NAA60: variants seen among roughly 807,000 people sequenced by gnomAD.
The protein encoded by NAA60 is N-alpha-acetyltransferase 60, NatF catalytic subunit, also known as N-alpha-acetyltransferase 60.
Under a neutral mutation model 26.1 loss-of-function variants are expected in NAA60, and 8 were observed. The observed-to-expected ratio is 0.31, with a 90% CI of 0.18 to 0.55. The LOEUF (loss-of-function observed/expected upper bound fraction) is 0.55. Among genes scored for constraint, NAA60 ranks in the 20% least tolerant of loss-of-function variants. NAA60 has a pLI of 0.93. For missense variants in NAA60, 290 were observed against 311.3 expected, an observed-to-expected ratio of 0.93 and a Z score of 0.51; for synonymous variants, 131 against 122.5, an observed-to-expected ratio of 1.07 and a Z score of -0.46.
At chr16:3,447,481 G>C in intron 1 of NAA60, 2 of 985,410 alleles carry the variant, frequency 2.0e-6, no homozygotes, top group Non-Finnish European at 2.4e-6. Flanking sequence ...TCCATTCCCA[G>C]ATGGTACTGC....
chr16:3,466,128 T>C (rs1166632763), intron 2 of NAA60, among the ~76,000 whole-genome samples: 2 of 152,236 alleles, frequency 1.3e-5, no homozygotes, highest in Non-Finnish European at 2.9e-5. Flanking sequence ...GCTTCTCAGC[T>C]CCGCCTTCAC....
At chr16:3,464,767 C>A (rs1047584830) in intron 2 of NAA60, among the ~76,000 whole-genome samples, 3 of 152,186 alleles carry the variant, frequency 2.0e-5, no homozygotes. Context: ...CCCATTCACT[C>A]AATCTGAGTT....
chr16:3,464,696 A>G (rs1047994487), intron 2 of NAA60, among the ~76,000 whole-genome samples: 12 of 152,226 alleles, frequency 7.9e-5, no homozygotes, highest in Non-Finnish European at 1.6e-4. Flanking sequence ...ATGTGCCCCC[A>G]AACCTGGTAT....
At chr16:3,468,756 T>C (rs544007786) in intron 2 of NAA60, among the ~76,000 whole-genome samples, 2 of 152,298 alleles carry the variant, frequency 1.3e-5, no homozygotes, top group South Asian at 4.1e-4. Flanking sequence ...GCTCGAGCCT[T>C]TGAAGCTCCA....
chr16:3,471,702 G>A (rs537783173), intron 2 of NAA60, among the ~76,000 whole-genome samples: 7 of 152,162 alleles, frequency 4.6e-5, no homozygotes, highest in East Asian at 1.9e-4. Flanking sequence ...TGCCCTCTCC[G>A]GTGAGAGCTG....
chr16:3,451,519 A>G (rs2034782357), intron 2 of NAA60, among the ~76,000 whole-genome samples: 1 of 152,266 alleles, frequency 6.6e-6, no homozygotes, highest in South Asian at 2.1e-4. Context: ...ACTCATTATA[A>G]AAGATGACAT....
At chr16:3,483,618 A>G (rs1596363919) in intron 6 of NAA60, 21 bp downstream of exon 6, 35 of 1,582,662 alleles carry the variant, frequency 2.2e-5, no homozygotes, top group Non-Finnish European at 3.0e-5. Flanking sequence ...CTTCTGGGGG[A>G]GAGGGACTGT....
In NAA60 at chr16:3,443,737, A is replaced by T; in HGVS notation, c.-177A>T. 1 of 1,491,592 alleles carries T rather than the reference A, an allele frequency of 6.7e-7. No homozygotes were observed. Among genetic ancestry groups the T allele is most frequent in the Non-Finnish European group, 8.9e-7 (1 of 1,123,848 alleles). The allele number at this position is 1,491,592 out of a possible 1,614,324, so 92.4% of individuals were successfully genotyped here. A position where few individuals can be genotyped will look rare whatever the true frequency, so the allele number is the denominator to read the frequency against. ...TCCGGGCCTGTTTGCCTGCTGAAGT[A>T]GAGTCTTAGGGTGACCCCAGGGGGA... On this transcript the variant is annotated 5_prime_UTR_variant, in exon 1 of 8. Transcript: ENST00000407558.
intron 2 of NAA60, chr16:3,458,203 G>T (rs1310850928): frequency 3.2e-5 from 31 of 984,078 alleles, no homozygotes; most frequent in Non-Finnish European, 3.6e-5. Flanking sequence ...GGGGGCGGCC[G>T]CCGGGGCTCG....
chr16:3,478,499 C>T (rs571465787), intron 3 of NAA60, among the ~76,000 whole-genome samples: 1 of 152,336 alleles, frequency 6.6e-6, no homozygotes, highest in Non-Finnish European at 1.5e-5. Context: ...TAACCCTACA[C>T]ACCCTAGAAA....
At chr16:3,481,439 C>T (rs946463530) in intron 4 of NAA60, among the ~76,000 whole-genome samples, 6 of 152,072 alleles carry the variant, frequency 3.9e-5, no homozygotes, top group African/African-American at 1.4e-4. Flanking sequence ...ATGACTCATT[C>T]CCCTGAACCC....
intron 5 of NAA60, 162 bp downstream of exon 5, chr16:3,482,760 TTCA>T: frequency 1.6e-6 from 1 of 639,504 alleles, no homozygotes; most frequent in Non-Finnish European, 2.8e-6. Flanking sequence ...GGGCCAGACC[TTCA>T]TCATCCCTCC....
chr16:3,482,975 C>A lies in NAA60; in HGVS notation c.337+377C>A, dbSNP rs1016032864. The stretch of plus-strand genomic sequence containing the variant: ...AACACGCACGAGGAAGCAACACTCA[C>A]CGTTTCTCCGATGTCCCACCCCACT... On this transcript the variant is annotated intron_variant, in intron 5 of 7. Coordinates refer to ENST00000407558, the MANE Select transcript of NAA60 (RefSeq NM_001083601.3). 7.3e-5 allele frequency: 34 copies of A among 467,222 alleles called. No individual in the cohort carries two copies. The South Asian group carries it at 7.8e-4, about 11-fold the overall frequency. 28.9% of individuals were successfully genotyped at this position (467,222 alleles called of 1,614,324 possible).
intron 2 of NAA60, among the ~76,000 whole-genome samples, chr16:3,449,320 C>T (rs1300135872): frequency 6.6e-6 from 1 of 152,076 alleles, no homozygotes; most frequent in Non-Finnish European, 1.5e-5. Flanking sequence ...AGATCGAGAC[C>T]ATCCTGGCTA....
In NAA60 at chr16:3,452,513, G is replaced by A. The variant is rs143337264; in HGVS notation, c.-7+3973G>A. Reference sequence around the variant, plus strand: ...CTACTAAAAATACAAAAAATTAACCGGGCATGGTGGCAGGTGCCTGTAGTC... The same window carrying A: ...CTACTAAAAATACAAAAAATTAACCAGGCATGGTGGCAGGTGCCTGTAGTC... On this transcript the variant is annotated intron_variant, in intron 2 of 7. Transcript: ENST00000407558. 6.0e-3 allele frequency among the ~76,000 whole-genome samples: 906 copies of A among 151,752 alleles called. 1 individual carries two copies. The highest frequency in any genetic ancestry group is 9.9e-3 in the Non-Finnish European group (674 of 67,932).
intron 2 of NAA60, among the ~76,000 whole-genome samples, chr16:3,462,095 A>AAAAAAAC (rs2035443981): frequency 6.6e-6 from 1 of 151,750 alleles, no homozygotes; most frequent in Middle Eastern, 3.2e-3. Context: ...TCAAAAAAAA[A>AAAAAAAC]AAAAAAAAAA....
intron 1 of NAA60, 63 bp from the exon 2 acceptor site, chr16:3,448,408 A>G (rs1596280575): frequency 1.5e-6 from 2 of 1,368,942 alleles, no homozygotes; most frequent in Non-Finnish European, 2.0e-6. Flanking sequence ...TCATTAGCCT[A>G]TGAGTTGTAG....
At chr16:3,444,514 C>G (rs752324258) in intron 1 of NAA60, among the ~76,000 whole-genome samples, 5 of 152,286 alleles carry the variant, frequency 3.3e-5, no homozygotes, top group African/African-American at 1.2e-4. Context: ...AACATATTTC[C>G]TTATTCCAGT....
At chr16:3,450,496 C>A (rs985809208) in intron 2 of NAA60, among the ~76,000 whole-genome samples, 1 of 151,838 alleles carries the variant, frequency 6.6e-6, no homozygotes, top group Non-Finnish European at 1.5e-5. Context: ...GTCAGGAGAT[C>A]GAGACCATCC....
Sources: gnomAD v4.1 joint callset for allele counts (sites outside exome capture counted in the v4.1 genomes callset) on GRCh38, gnomAD v4.1.1 for gene constraint, MANE v1.5 for transcripts, NCBI Gene and HGNC (gene_info 2026-07-23, HGNC 2026-07-21) for gene names.